The following CAPZA1 variants were observed in gnomAD, a reference collection of about 807,000 sequenced individuals.
CAPZA1 encodes capping actin protein of muscle Z-line subunit alpha 1, also known as F-actin-capping protein subunit alpha-1.
A neutral mutation model predicts 40.8 loss-of-function variants in CAPZA1; 10 were observed. The observed-to-expected ratio is 0.25, with a 90% CI of 0.15 to 0.42. CAPZA1 has a LOEUF of 0.42. Ranked by LOEUF, CAPZA1 falls within the 10% of genes least tolerant of loss-of-function variation. The pLI, the probability that CAPZA1 is intolerant of heterozygous loss-of-function variation, is 1.00. For synonymous variants in CAPZA1, 98 were observed against 115.0 expected (o/e 0.85, Z 0.95); for missense variants, 277 against 353.8 (o/e 0.78, Z 1.74).
At position 112,635,448 on chromosome 1, in the gene CAPZA1, G is replaced by A. The variant is rs183070330; in HGVS notation, c.40-11762G>A. Among the ~76,000 whole-genome samples, 6 of 152,084 alleles carry A rather than the reference G, an allele frequency of 3.9e-5. No homozygotes were observed. In the East Asian group the frequency reaches 1.2e-3, roughly 29 times the overall value. On this transcript the variant is annotated intron_variant, in intron 1 of 9. Coordinates refer to ENST00000263168, the MANE Select transcript of CAPZA1 (RefSeq NM_006135.3). ...AAGTGGAATGTGGATATTATCTAGCGAAAGAATTCTCCCTTTTCTGTCTAG... is the reference window on the plus strand; with the variant it reads ...AAGTGGAATGTGGATATTATCTAGCAAAAGAATTCTCCCTTTTCTGTCTAG...
intron 1 of CAPZA1, chr1:112,646,733 T>G (rs1220498463): frequency 6.7e-6 from 1 of 149,640 alleles, no homozygotes; most frequent in Non-Finnish European, 1.5e-5. Flanking sequence ...GGAGTAGGTG[T>G]TAATTTTTTT....
At chr1:112,651,387 C>T (rs1045912999) in intron 3 of CAPZA1, among the ~76,000 whole-genome samples, 1 of 152,148 alleles carries the variant, frequency 6.6e-6, no homozygotes, top group Non-Finnish European at 1.5e-5. Context: ...ATGAGTAATT[C>T]CAAGACAATG....
intron 1 of CAPZA1, among the ~76,000 whole-genome samples, chr1:112,644,417 C>T (rs1671243551): frequency 6.6e-6 from 1 of 151,874 alleles, no homozygotes; most frequent in African/African-American, 2.4e-5. Context: ...TCTTGAAGTC[C>T]TGACCTCAAG....
At chr1:112,663,632 G>A (rs1277391236) in intron 7 of CAPZA1, among the ~76,000 whole-genome samples, 1 of 152,040 alleles carries the variant, frequency 6.6e-6, no homozygotes, top group Non-Finnish European at 1.5e-5. Flanking sequence ...CTCCCAAGTA[G>A]CTGGGATTAC....
intron 5 of CAPZA1, among the ~76,000 whole-genome samples, chr1:112,656,542 A>G (rs1389144594): frequency 7.0e-6 from 1 of 142,744 alleles, no homozygotes; most frequent in Non-Finnish European, 1.5e-5. Flanking sequence ...AAGGGGAGAC[A>G]TGATAGACTC....
chr1:112,656,440 A>ATTTTTTTTTTT lies in CAPZA1; in HGVS notation c.426+1785_426+1795dup, dbSNP rs56343358. Reference sequence around the variant, plus strand: ...GTTAGGCTAGGTGTCATTATGTTTGATTTTTTTTTTTTTTTTTTTTTTTTT... The same window carrying ATTTTTTTTTTT: ...GTTAGGCTAGGTGTCATTATGTTTGATTTTTTTTTTTTTTTTTTTTTTTTTTTTTTTTTTTT... On this transcript the variant is annotated intron_variant, in intron 5 of 9. Coordinates refer to ENST00000263168, the MANE Select transcript of CAPZA1 (RefSeq NM_006135.3). Among the ~76,000 whole-genome samples, 22 of 45,768 alleles carry ATTTTTTTTTTT rather than the reference A, an allele frequency of 4.8e-4. 6 individuals carry two copies. The highest frequency in any genetic ancestry group is 1.4e-3 in the East Asian group (2 of 1,400). 30.0% of individuals were successfully genotyped at this position (45,768 alleles called of 152,430 possible).
At chr1:112,669,632 T>A in intron 9 of CAPZA1, 27 bp downstream of exon 9, 1 of 1,448,850 alleles carries the variant, frequency 6.9e-7, no homozygotes, top group African/African-American at 1.4e-5. Context: ...TTAATTTTCC[T>A]AGATCTACTA....
At chr1:112,629,892 T>A (rs1670887838) in intron 1 of CAPZA1, among the ~76,000 whole-genome samples, 1 of 152,158 alleles carries the variant, frequency 6.6e-6, no homozygotes, top group African/African-American at 2.4e-5. Context: ...CTATCTAAAG[T>A]ACTTTGCAGA....
rs3215019 is a variant in CAPZA1 at position 112,653,585 on chromosome 1, T to TAA, written c.156-5_156-4dup. The TAA allele has an allele frequency of 1.9e-5, 27 of 1,449,306 alleles. No homozygotes were observed. The highest frequency in any genetic ancestry group is 1.4e-4 in the African/African-American group (9 of 66,400). 89.8% of individuals were successfully genotyped at this position (1,449,306 alleles called of 1,614,324 possible). A position where few individuals can be genotyped will look rare whatever the true frequency, so the allele number is the denominator to read the frequency against. On this transcript the variant is annotated splice_polypyrimidine_tract_variant and intron_variant, in intron 3 of 9. Coordinates refer to ENST00000263168, the MANE Select transcript of CAPZA1 (RefSeq NM_006135.3). ...TTTTTTTTTTTTTTTAAAAAACTTT[T>TAA]AAAAAAAAACAGTGCATTTGCCCAG...
At chr1:112,653,475 G>A in intron 3 of CAPZA1, 123 bp from the exon 4 acceptor site, 1 of 666,004 alleles carries the variant, frequency 1.5e-6, no homozygotes. Context: ...GAAAAGTACA[G>A]GGTACTATTT....
At chr1:112,631,495 C>G (rs1407456237) in intron 1 of CAPZA1, among the ~76,000 whole-genome samples, 1 of 152,048 alleles carries the variant, frequency 6.6e-6, no homozygotes, top group Non-Finnish European at 1.5e-5. Context: ...GTATCTGACT[C>G]CCAGTGATTT....
intron 1 of CAPZA1, among the ~76,000 whole-genome samples, chr1:112,642,339 G>T (rs148189772): frequency 2.0e-5 from 3 of 149,366 alleles, no homozygotes; most frequent in African/African-American, 4.9e-5. Flanking sequence ...TCAGCCTCCC[G>T]AGTAGCTGTG....
chr1:112,659,791 A>G lies in CAPZA1; in HGVS notation c.585+12A>G. On this transcript the variant is annotated intron_variant, in intron 7 of 9. Transcript: ENST00000263168. Reference sequence around the variant, plus strand: ...TGCTTAAGATTCAGGTGAGATTCCAACATGTTTATAGACTTAAAACTTCAC... The same window carrying G: ...TGCTTAAGATTCAGGTGAGATTCCAGCATGTTTATAGACTTAAAACTTCAC... 1 of 1,602,810 alleles carries G rather than the reference A, an allele frequency of 6.2e-7. No homozygotes were observed. Among genetic ancestry groups the G allele is most frequent in the Non-Finnish European group, 8.5e-7 (1 of 1,170,360 alleles).
intron 1 of CAPZA1, among the ~76,000 whole-genome samples, chr1:112,627,636 C>CAAAAA (rs3034524): frequency 1.2e-3 from 61 of 50,776 alleles, no homozygotes; most frequent in East Asian, 3.4e-3. Context: ...GACTCTGTCT[C>CAAAAA]AAAAAAAAAA....
rs1249902907 is a variant in CAPZA1, at chr1:112,662,430, G to T, written c.585+2651G>T. On this transcript the variant is annotated intron_variant, in intron 7 of 9. Transcript: ENST00000263168. ...TTTTTTTTTTTTGAGACAGAGTCTC[G>T]CTCTGTTGCCCAGGATGGAGTGCAG... 3.5e-5 allele frequency among the ~76,000 whole-genome samples: 4 copies of T among 114,842 alleles called. 1 individual carries two copies. Among genetic ancestry groups the T allele is most frequent in the African/African-American group, 1.3e-4 (4 of 30,250 alleles). The allele number at this position is 114,842 out of a possible 152,430, so 75.3% of individuals were successfully genotyped here. A position where few individuals can be genotyped will look rare whatever the true frequency, so the allele number is the denominator to read the frequency against.
intron 1 of CAPZA1, among the ~76,000 whole-genome samples, chr1:112,640,471 CCAGT>C: frequency 1.5e-5 from 2 of 135,468 alleles, no homozygotes; most frequent in Admixed American, 7.8e-5. Context: ...AGCCAGCCGC[CCAGT>C]CCGGGAGGGA....
intron 1 of CAPZA1, among the ~76,000 whole-genome samples, chr1:112,642,433 T>G (rs1309722728): frequency 2.6e-5 from 4 of 151,888 alleles, no homozygotes; most frequent in African/African-American, 9.7e-5. Flanking sequence ...GCCAGGCTGG[T>G]CTTGAACTCC....
At chr1:112,639,849 C>G (rs528603529) in intron 1 of CAPZA1, among the ~76,000 whole-genome samples, 3 of 139,138 alleles carry the variant, frequency 2.2e-5, no homozygotes, top group African/African-American at 2.7e-5. Flanking sequence ...CCAGCCGCCC[C>G]GTCCGGGAGG....
intron 1 of CAPZA1, chr1:112,620,566 T>A (rs1670605211): frequency 6.6e-6 from 1 of 152,266 alleles, no homozygotes; most frequent in Non-Finnish European, 1.5e-5. Flanking sequence ...TTGAAAATTT[T>A]GTTTCTTGTT....
Sources: allele counts gnomAD v4.1 joint callset (sites outside exome capture counted in the v4.1 genomes callset), GRCh38; gene constraint gnomAD v4.1.1; transcripts MANE v1.5; gene names NCBI Gene and HGNC (gene_info 2026-07-23, HGNC 2026-07-21).